FER1L6: variants seen among roughly 807,000 people sequenced by gnomAD.
The protein encoded by FER1L6 is fer-1 like family member 6, also known as fer-1-like protein 6.
A neutral mutation model predicts 219.2 loss-of-function variants in FER1L6; 177 were observed. The observed-to-expected ratio is 0.81, with a 90% CI of 0.71 to 0.91. FER1L6 has a LOEUF of 0.91. Ranked by LOEUF, FER1L6 falls within the 40% of genes least tolerant of loss-of-function variation. The pLI is 0.00. For synonymous variants in FER1L6, 768 were observed against 824.3 expected, an observed-to-expected ratio of 0.93 and a Z score of 1.17; for missense variants, 2,153 against 2,259.9, an observed-to-expected ratio of 0.95 and a Z score of 0.96.
chr8:123,856,670 ATATG>A (rs1447865506), intron 1 of FER1L6, among the ~76,000 whole-genome samples: 1 of 151,716 alleles, frequency 6.6e-6, no homozygotes, highest in Non-Finnish European at 1.5e-5. Context: ...GCACCTCTAT[ATATG>A]AGGGCACAAC....
chr8:123,913,828 G>A (rs141180187), intron 1 of FER1L6, among the ~76,000 whole-genome samples: 57 of 150,586 alleles, frequency 3.8e-4, no homozygotes, highest in Non-Finnish European at 6.6e-4. Context: ...TGTAATCTTC[G>A]TAATTTTCTT....
chr8:124,074,399 T>C (rs1821194636), intron 31 of FER1L6, among the ~76,000 whole-genome samples: 1 of 152,168 alleles, frequency 6.6e-6, no homozygotes, highest in Admixed American at 6.5e-5. Context: ...GGCTCATGCC[T>C]GTAATCCCAG....
intron 1 of FER1L6, among the ~76,000 whole-genome samples, chr8:123,868,835 T>C (rs1452736923): frequency 6.6e-6 from 1 of 152,132 alleles, no homozygotes; most frequent in East Asian, 1.9e-4. Context: ...AGGCAGGAAG[T>C]CACCAAAGAG....
At chr8:124,108,642 T>C (rs1378929029) in intron 39 of FER1L6, among the ~76,000 whole-genome samples, 1 of 152,128 alleles carries the variant, frequency 6.6e-6, no homozygotes, top group Non-Finnish European at 1.5e-5. Context: ...CCCAGCACTT[T>C]GGAGTAGACG....
chr8:123,939,178 T>A, intron 1 of FER1L6: 2 of 985,404 alleles, frequency 2.0e-6, no homozygotes, highest in Non-Finnish European at 2.4e-6. Flanking sequence ...AAACCAATGT[T>A]CCAGTCTCCA....
rs567713503 is a variant in FER1L6 at position 123,876,156 on chromosome 8, T to A, written c.-8+23971T>A. ...CCATGTCATGCCACCCTTCCCTCTC[T>A]TTCTACATCCCAGTCCCACTTACCT... On this transcript the variant is annotated intron_variant, in intron 1 of 40. Transcript: ENST00000522917. Among the ~76,000 whole-genome samples the A allele has an allele frequency of 2.6e-5, 4 of 152,278 alleles. No individual in the cohort carries two copies. In the South Asian group the frequency reaches 8.3e-4, roughly 32 times the overall value.
intron 1 of FER1L6, among the ~76,000 whole-genome samples, chr8:123,903,427 C>T (rs1304025764): frequency 1.3e-5 from 2 of 152,198 alleles, no homozygotes; most frequent in African/African-American, 4.8e-5. Flanking sequence ...GCTGAAGGTT[C>T]ACTTGATGAA....
intron 20 of FER1L6, among the ~76,000 whole-genome samples, chr8:124,044,514 A>G (rs1253350934): frequency 1.3e-5 from 2 of 152,214 alleles, no homozygotes; most frequent in Non-Finnish European, 2.9e-5. Flanking sequence ...AAACGCTGAG[A>G]TGACAGTTGA....
Position 124,076,219 on chromosome 8 carries a change from G to C in FER1L6, c.4114G>C (p.Asp1372His), listed in dbSNP as rs781243885. Residue 1372 changes from aspartate (D) to histidine (H), a missense_variant, in exon 32 of 41, where the codon GAT becomes CAT. By Grantham distance (81) the Asp-to-His change is moderately conservative. Coordinates refer to ENST00000522917, the MANE Select transcript of FER1L6 (RefSeq NM_001039112.2). ...CCAGGCATTTAATCTTAGTCCAGCT[G>C]ATCCAGATGGCAAATCAGATCCCTA... Reference protein sequence around the residue: ...IVAAFNLSPADPDGKSDPYIV... With the variant: ...IVAAFNLSPAHPDGKSDPYIV... The C allele has an allele frequency of 3.1e-6, 5 of 1,613,902 alleles. No homozygotes were observed. The highest frequency in any genetic ancestry group is 4.2e-6 in the Non-Finnish European group (5 of 1,179,930).
intron 1 of FER1L6, among the ~76,000 whole-genome samples, chr8:123,927,416 A>T (rs142082489): frequency 2.5e-4 from 38 of 152,356 alleles, no homozygotes; most frequent in African/African-American, 8.7e-4. Flanking sequence ...CAATAGTAGA[A>T]TCTGTGCTGA....
chr8:123,859,142 G>C lies in FER1L6; in HGVS notation c.-8+6957G>C, dbSNP rs143685559. Among the ~76,000 whole-genome samples, 304 of 152,126 alleles carry C rather than the reference G, an allele frequency of 2.0e-3. 1 individual carries two copies. The highest frequency in any genetic ancestry group is 7.0e-3 in the African/African-American group (290 of 41,490). On this transcript the variant is annotated intron_variant, in intron 1 of 40. Coordinates refer to ENST00000522917, the MANE Select transcript of FER1L6 (RefSeq NM_001039112.2). ...AGCCTGCAGAGTAGCTGGGACCACA[G>C]GTGTGCACCTCCACGCCCAGCTAAT...
intron 27 of FER1L6, 67 bp downstream of exon 27, chr8:124,066,617 TA>T: frequency 6.4e-7 from 1 of 1,564,814 alleles, no homozygotes; most frequent in Non-Finnish European, 8.7e-7. Context: ...TCTCCTACCC[TA>T]AGTCCTACAT....
At chr8:123,883,514 A>T (rs571222496) in intron 1 of FER1L6, among the ~76,000 whole-genome samples, 9 of 152,362 alleles carry the variant, frequency 5.9e-5, no homozygotes, top group Admixed American at 1.3e-4. Flanking sequence ...ATTGAGAGAC[A>T]GATAGGGACA....
At chr8:124,095,950 G>A (rs1298373612) in intron 35 of FER1L6, among the ~76,000 whole-genome samples, 1 of 152,180 alleles carries the variant, frequency 6.6e-6, no homozygotes, top group Non-Finnish European at 1.5e-5. Flanking sequence ...TTGCATCCCT[G>A]GCCCATGCCA....
At chr8:124,063,538 A>G (rs936788162) in intron 25 of FER1L6, among the ~76,000 whole-genome samples, 1 of 152,168 alleles carries the variant, frequency 6.6e-6, no homozygotes, top group Non-Finnish European at 1.5e-5. Context: ...CTAACCTATC[A>G]TTCGTTTTCC....
At chr8:123,900,673 C>T (rs1031670369) in intron 1 of FER1L6, among the ~76,000 whole-genome samples, 4 of 152,076 alleles carry the variant, frequency 2.6e-5, no homozygotes, top group African/African-American at 7.2e-5. Context: ...TAACGTATGT[C>T]CCTTGTATGC....
intron 1 of FER1L6, among the ~76,000 whole-genome samples, chr8:123,858,135 C>T (rs1279833952): frequency 2.0e-5 from 3 of 152,178 alleles, no homozygotes; most frequent in Non-Finnish European, 2.9e-5. Context: ...CTGATGGGTT[C>T]TCCTACTTTA....
chr8:124,002,347 G>A lies in FER1L6; in HGVS notation c.1520-820G>A, dbSNP rs374204297. Reference sequence around the variant, plus strand: ...AGTAGTGACACCTGGCCTGCCTGGAGAGGAAAGGCAGGGGTCAGGAACGAA... The same window carrying A: ...AGTAGTGACACCTGGCCTGCCTGGAAAGGAAAGGCAGGGGTCAGGAACGAA... On this transcript the variant is annotated intron_variant, in intron 12 of 40. Transcript: ENST00000522917. Among the ~76,000 whole-genome samples, 11 of 152,302 alleles carry A rather than the reference G, an allele frequency of 7.2e-5. 1 individual carries two copies. The South Asian group carries it at 1.2e-3, about 17-fold the overall frequency.
rs1821804415 is a variant in FER1L6 at position 124,086,823 on chromosome 8, C to T, written c.4391+4365C>T. 2.0e-5 allele frequency among the ~76,000 whole-genome samples: 3 copies of T among 152,110 alleles called. No individual in the cohort carries two copies. In the South Asian group the frequency reaches 6.2e-4, roughly 31 times the overall value. On this transcript the variant is annotated intron_variant, in intron 33 of 40. Coordinates refer to ENST00000522917, the MANE Select transcript of FER1L6 (RefSeq NM_001039112.2). ...AGTTTGTCTGGGAAAGTCTTTATTT[C>T]TCCTTCATATTTAAAGAATACTTTT... is the stretch of plus-strand genomic sequence containing the variant.
Sources: allele counts gnomAD v4.1 joint callset (sites outside exome capture counted in the v4.1 genomes callset), GRCh38; gene constraint gnomAD v4.1.1; transcripts MANE v1.5; gene names NCBI Gene and HGNC (gene_info 2026-07-23, HGNC 2026-07-21).